The following AP2A2 variants were observed in gnomAD, a reference collection of about 807,000 sequenced individuals.
AP2A2 encodes adaptor related protein complex 2 subunit alpha 2.
In AP2A2, 32 loss-of-function variants were observed where a neutral mutation model predicts 104.2. The observed-to-expected ratio is 0.31, with a 90% confidence interval of 0.23 to 0.41. The LOEUF is 0.41. AP2A2 is among the 10% of genes least tolerant of loss of function. AP2A2 has a pLI of 1.00. For missense variants in AP2A2, 912 were observed against 1,261.0 expected, an observed-to-expected ratio of 0.72 and a Z score of 4.19; for synonymous variants, 539 against 533.3, an observed-to-expected ratio of 1.01 and a Z score of -0.15.
At chr11:957,430 G>A (rs527631656) in intron 1 of AP2A2, among the ~76,000 whole-genome samples, 16 of 152,336 alleles carry the variant, frequency 1.1e-4, no homozygotes, top group South Asian at 1.0e-3. Flanking sequence ...TCTGTGCGGC[G>A]TTCCTTCCCC....
chr11:941,484 G>C (rs1853640325), intron 1 of AP2A2, among the ~76,000 whole-genome samples: 2 of 151,964 alleles, frequency 1.3e-5, no homozygotes, highest in Admixed American at 6.6e-5. Flanking sequence ...GTCTTACTAT[G>C]TTGCCCAGGC....
Position 1,010,851 on chromosome 11 carries a change from T to A in AP2A2, c.*226T>A. 1.6e-6 allele frequency: 1 copy of A among 634,700 alleles called. No individual in the cohort carries two copies. Among genetic ancestry groups the A allele is most frequent in the South Asian group, 1.8e-5 (1 of 54,682 alleles). 39.3% of individuals were successfully genotyped at this position (634,700 alleles called of 1,614,324 possible). ...TGTGGCAGCCACGGCAGAAGGTGGA[T>A]CTTGGGATCAATTTTTATAAAAATC... On this transcript the variant is annotated 3_prime_UTR_variant, in exon 22 of 22. Coordinates refer to ENST00000448903, the MANE Select transcript of AP2A2 (RefSeq NM_012305.4).
Position 970,219 on chromosome 11 carries a change from C to T in AP2A2, c.187C>T (p.Leu63Phe). ...YSKKKYVCKL[L>F]FIFLLGHDID... ...TAAAAAAAAGTACGTCTGCAAGTTG[C>T]TCTTCATCTTTCTCCTTGGTCATGA... Residue 63 changes from leucine (L) to phenylalanine (F), a missense_variant, in exon 3 of 22, where the codon CTC becomes TTC. This residue lies in a region of AP2A2 where 17 missense variants were observed against 57.3 expected (regional missense o/e 0.30). Coordinates refer to ENST00000448903, the MANE Select transcript of AP2A2 (RefSeq NM_012305.4). The T allele has an allele frequency of 6.2e-7, 1 of 1,614,036 alleles. No individual in the cohort carries two copies. Among genetic ancestry groups the T allele is most frequent in the South Asian group, 1.1e-5 (1 of 91,088 alleles).
chr11:990,869 C>T (rs1160085861), intron 10 of AP2A2, among the ~76,000 whole-genome samples: 2 of 131,246 alleles, frequency 1.5e-5, no homozygotes, highest in African/African-American at 2.9e-5. Context: ...TTCAGCTGGG[C>T]ATGGTGCTCC....
At chr11:973,947 A>G (rs1486803729) in intron 4 of AP2A2, among the ~76,000 whole-genome samples, 1 of 152,234 alleles carries the variant, frequency 6.6e-6, no homozygotes, top group Non-Finnish European at 1.5e-5. Context: ...CGTGAGCGGA[A>G]TGCAAGACAG....
intron 1 of AP2A2, among the ~76,000 whole-genome samples, chr11:929,455 G>A (rs866634737): frequency 6.6e-6 from 1 of 152,110 alleles, no homozygotes; most frequent in African/African-American, 2.4e-5. Context: ...TTAAAGCTGC[G>A]TGAGTGGAGG....
At chr11:954,524 CTG>C (rs1854167926) in intron 1 of AP2A2, among the ~76,000 whole-genome samples, 1 of 151,422 alleles carries the variant, frequency 6.6e-6, no homozygotes, top group Admixed American at 6.6e-5. Context: ...GTGTGTATTT[CTG>C]TGTATCTGTG....
Position 992,359 on chromosome 11 carries a change from C to A in AP2A2, c.1270-144C>A. On this transcript the variant is annotated intron_variant, in intron 10 of 21. Transcript: ENST00000448903. The surrounding 1 kb of genome is among the most constrained non-coding windows in gnomAD (Gnocchi z 6.4). ...TGGGCTCGTGGGCTTTTTTGAGAAT[C>A]GAGTTCAAGCTTCCTCCATGTCCCA... is the stretch of plus-strand genomic sequence containing the variant. 2.5e-6 allele frequency: 2 copies of A among 800,060 alleles called. No individual in the cohort carries two copies. Among genetic ancestry groups the A allele is most frequent in the Non-Finnish European group, 4.0e-6 (2 of 497,000 alleles). 49.6% of individuals were successfully genotyped at this position (800,060 alleles called of 1,614,324 possible).
chr11:989,340 A>G (rs1225548775), intron 10 of AP2A2, among the ~76,000 whole-genome samples: 2 of 152,010 alleles, frequency 1.3e-5, no homozygotes, highest in African/African-American at 4.8e-5. Context: ...TCTCAAAAAA[A>G]AAAAAACTAA....
At chr11:932,050 C>T (rs12419310) in intron 1 of AP2A2, among the ~76,000 whole-genome samples, 16 of 152,158 alleles carry the variant, frequency 1.1e-4, no homozygotes, top group East Asian at 5.8e-4. Context: ...CCACCACGCC[C>T]GGCCAGGTTC....
intron 1 of AP2A2, among the ~76,000 whole-genome samples, chr11:936,753 C>T (rs965341125): frequency 6.6e-6 from 1 of 152,094 alleles, no homozygotes; most frequent in Non-Finnish European, 1.5e-5. Context: ...TTTTGTGTTT[C>T]TTTTAATATT....
rs775207237 is a variant in AP2A2 at position 1,010,745 on chromosome 11, G to A, written c.*120G>A. 3.0e-5 allele frequency: 24 copies of A among 807,314 alleles called. No individual in the cohort carries two copies. Among genetic ancestry groups the A allele is most frequent in the Non-Finnish European group, 4.4e-5 (21 of 477,336 alleles). 50.0% of individuals were successfully genotyped at this position (807,314 alleles called of 1,614,324 possible). Reference sequence around the variant, plus strand: ...GTGCCACAGCACAAGGCGCCTCCCCGCCCCGCCGCCCCACACCTCTCCCCT... The same window carrying A: ...GTGCCACAGCACAAGGCGCCTCCCCACCCCGCCGCCCCACACCTCTCCCCT... On this transcript the variant is annotated 3_prime_UTR_variant, in exon 22 of 22. Transcript: ENST00000448903.
At chr11:991,083 C>A (rs1855636443) in intron 10 of AP2A2, among the ~76,000 whole-genome samples, 2 of 151,808 alleles carry the variant, frequency 1.3e-5, no homozygotes, top group Admixed American at 1.3e-4. Context: ...TGGTGCTCCC[C>A]TCCGTCCTTT....
intron 10 of AP2A2, 198 bp downstream of exon 10, chr11:988,887 C>T (rs1564812066): frequency 4.3e-6 from 3 of 694,822 alleles, no homozygotes; most frequent in African/African-American, 1.8e-5. Flanking sequence ...CCCCGCTACT[C>T]CTGAGGTGGA....
rs1853101760 is a variant in AP2A2, at chr11:925,912, C to T, written c.-110C>T. The T allele has an allele frequency of 3.7e-6, 3 of 819,194 alleles. No individual in the cohort carries two copies. The highest frequency in any genetic ancestry group is 4.5e-5 in the Admixed American group (1 of 22,268). The allele number at this position is 819,194 out of a possible 1,614,324, so 50.7% of individuals were successfully genotyped here. On this transcript the variant is annotated 5_prime_UTR_variant, in exon 1 of 22. Transcript: ENST00000448903. ...CCCTGAGGCGGCCGTGGTTAGGCGG[C>T]TCCCCGGCGGCTCCTCCGCGGCGGT...
At position 926,051 on chromosome 11, in the gene AP2A2, GC is replaced by G; in HGVS notation, c.31del (p.Arg11GlyfsTer20). ...CGGCCGTGTCCAAGGGGGACGGGAT[GC>G]GGGGCCTGGCGGTCTTCATCTCGGA... Reference protein sequence around the residue: MPAVSKGDGMRGLAVFISDIR... With the variant: MPAVSKGDGMXGLAVFISDIR... On this transcript the variant is annotated frameshift_variant, in exon 1 of 22. Coordinates refer to ENST00000448903, the MANE Select transcript of AP2A2 (RefSeq NM_012305.4). LOFTEE classifies it high-confidence loss of function. The G allele has an allele frequency of 7.2e-7, 1 of 1,379,854 alleles. No homozygotes were observed. Among genetic ancestry groups the G allele is most frequent in the Non-Finnish European group, 9.5e-7 (1 of 1,055,438 alleles). 85.5% of individuals were successfully genotyped at this position (1,379,854 alleles called of 1,614,324 possible). A position where few individuals can be genotyped will look rare whatever the true frequency, so the allele number is the denominator to read the frequency against.
Position 1,011,084 on chromosome 11 carries a change from C to T in AP2A2, c.*459C>T. ...GCTGCACACCTGGCGTCGTCCTGGG[C>T]CCTTGGGAGGAGCACAGCTGACCCT... On this transcript the variant is annotated 3_prime_UTR_variant, in exon 22 of 22. Coordinates refer to ENST00000448903, the MANE Select transcript of AP2A2 (RefSeq NM_012305.4). 2 of 605,968 alleles carry T rather than the reference C, an allele frequency of 3.3e-6. No individual in the cohort carries two copies. Among genetic ancestry groups the T allele is most frequent in the Non-Finnish European group, 6.3e-6 (2 of 317,364 alleles). 37.5% of individuals were successfully genotyped at this position (605,968 alleles called of 1,614,324 possible).
At chr11:940,057 C>T (rs192948091) in intron 1 of AP2A2, among the ~76,000 whole-genome samples, 40 of 146,586 alleles carry the variant, frequency 2.7e-4, no homozygotes, top group African/African-American at 8.4e-4. Context: ...CGGGTTCAAG[C>T]GATTCTCCTG....
Position 968,547 on chromosome 11 carries a change from C to T in AP2A2, c.137-1622C>T, listed in dbSNP as rs1854704114. Among the ~76,000 whole-genome samples the T allele has an allele frequency of 1.3e-5, 2 of 152,138 alleles. No homozygotes were observed. Among genetic ancestry groups the T allele is most frequent in the Admixed American group, 1.3e-4 (2 of 15,272 alleles). ...TTCCTTTGAGAGGTGCTTTGAGTAACAGGGAAGTCTCCGGAGGGAGGAGGA... is the reference window on the plus strand; with the variant it reads ...TTCCTTTGAGAGGTGCTTTGAGTAATAGGGAAGTCTCCGGAGGGAGGAGGA... On this transcript the variant is annotated intron_variant, in intron 2 of 21. Coordinates refer to ENST00000448903, the MANE Select transcript of AP2A2 (RefSeq NM_012305.4). The surrounding 1 kb of genome is among the most constrained non-coding windows in gnomAD (Gnocchi z 4.2).
Sources: allele counts gnomAD v4.1 joint callset (sites outside exome capture counted in the v4.1 genomes callset), GRCh38; gene constraint gnomAD v4.1.1; regional missense constraint gnomAD v4.1.1; non-coding constraint Gnocchi (gnomAD v3.1); transcripts MANE v1.5; gene names NCBI Gene and HGNC (gene_info 2026-07-23, HGNC 2026-07-21).